FBXO2: variants seen among roughly 807,000 people sequenced by gnomAD.
The protein encoded by FBXO2 is F-box only protein 2.
FBXO2 carries 32 observed loss-of-function variants against 38.6 expected under a neutral mutation model. The observed-to-expected ratio is 0.83, with a 90% CI of 0.62 to 1.11. The LOEUF is 1.11. Among genes scored for constraint, FBXO2 ranks in the 50% most tolerant of loss-of-function variants. The pLI is 0.00. For synonymous variants in FBXO2, 189 were observed against 182.9 expected (o/e 1.03, Z -0.27); for missense variants, 450 against 418.3 (o/e 1.08, Z -0.66).
chr1:11,653,922 G>A (rs1639596827), intron 1 of FBXO2: 1 of 185,942 alleles, frequency 5.4e-6, no homozygotes, highest in East Asian at 1.4e-4. Context: ...GGGACCCCAA[G>A]GAACCCACGG....
At position 11,650,087 on chromosome 1, in the gene FBXO2, G is replaced by C. The variant is rs1328828001; in HGVS notation, c.392-13C>G. 1.2e-6 allele frequency: 2 copies of C among 1,613,532 alleles called. No homozygotes were observed. The highest frequency in any genetic ancestry group is 1.7e-5 in the Admixed American group (1 of 59,970). On this transcript the variant is annotated splice_polypyrimidine_tract_variant and intron_variant, in intron 2 of 5. Coordinates refer to ENST00000354287, the MANE Select transcript of FBXO2 (RefSeq NM_012168.6). ...CCTTCCAAGTCCTCTGTAGGGACAC[G>C]ACAGCCCCACCCTGGTCACTCAGTC...
intron 1 of FBXO2, among the ~76,000 whole-genome samples, chr1:11,651,056 A>G (rs537211409): frequency 3.3e-5 from 5 of 152,292 alleles, no homozygotes; most frequent in African/African-American, 9.6e-5. Flanking sequence ...TCAGAGGCCT[A>G]TTTCCTCTGC....
Position 11,648,915 on chromosome 1 carries a change from TC to T in FBXO2, c.757-88del. On this transcript the variant is annotated intron_variant, in intron 5 of 5. Coordinates refer to ENST00000354287, the MANE Select transcript of FBXO2 (RefSeq NM_012168.6). This position sits in a 1 kb window ranked among gnomAD's most constrained non-coding sequence, Gnocchi z 4.2. ...CCCGGTACACCGACCGACCTGCAGCTCCCCCACTCGGTTTCTCCGCGGTATT... is the reference window on the plus strand; with the variant it reads ...CCCGGTACACCGACCGACCTGCAGCTCCCCACTCGGTTTCTCCGCGGTATT... 6.4e-7 allele frequency: 1 copy of T among 1,564,032 alleles called. No individual in the cohort carries two copies. Among genetic ancestry groups the T allele is most frequent in the Non-Finnish European group, 8.7e-7 (1 of 1,145,814 alleles).
intron 1 of FBXO2, among the ~76,000 whole-genome samples, chr1:11,651,584 G>A (rs571637914): frequency 3.3e-5 from 5 of 152,292 alleles, no homozygotes; most frequent in South Asian, 2.1e-4. Context: ...AGGATCACAC[G>A]GCTAATCAGT....
chr1:11,648,839 A>C lies in FBXO2; in HGVS notation c.757-11T>G, dbSNP rs749167346. The C allele has an allele frequency of 6.2e-7, 1 of 1,613,288 alleles. No individual in the cohort carries two copies. The highest frequency in any genetic ancestry group is 1.7e-5 in the Admixed American group (1 of 60,028). ...GAAGGTGTGGGAGATCTGGGGGTGG[A>C]GGTAACAAGAGTCAGCCTCGGAGGT... is the stretch of plus-strand genomic sequence containing the variant. On this transcript the variant is annotated splice_polypyrimidine_tract_variant and intron_variant, in intron 5 of 5. Transcript: ENST00000354287. This position sits in a 1 kb window ranked among gnomAD's most constrained non-coding sequence, Gnocchi z 4.2.
In FBXO2 at chr1:11,654,388, G is replaced by A; in HGVS notation, c.-48C>T. On this transcript the variant is annotated 5_prime_UTR_variant, in exon 1 of 6. Coordinates refer to ENST00000354287, the MANE Select transcript of FBXO2 (RefSeq NM_012168.6). ...AGGAGGAGCCGGAGCGCTGCGGGCT[G>A]CGCGAGTCCCGGGGCGGCGAGTCCC... 7.4e-7 allele frequency: 1 copy of A among 1,354,276 alleles called. No individual in the cohort carries two copies. The highest frequency in any genetic ancestry group is 9.5e-7 in the Non-Finnish European group (1 of 1,057,054). 83.9% of individuals were successfully genotyped at this position (1,354,276 alleles called of 1,614,324 possible).
At chr1:11,649,577 C>T (rs1639477940) in intron 4 of FBXO2, 2 of 600,778 alleles carry the variant, frequency 3.3e-6, no homozygotes, top group Admixed American at 3.0e-5. Context: ...TATTTGCCAA[C>T]ATTTAAAACT....
rs753544299 is a variant in FBXO2 at position 11,649,136 on chromosome 1, C to T, written c.707G>A (p.Ser236Asn). 2 of 1,595,314 alleles carry T rather than the reference C, an allele frequency of 1.3e-6. No homozygotes were observed. The highest frequency in any genetic ancestry group is 1.7e-6 in the Non-Finnish European group (2 of 1,171,820). Residue 236 changes from serine (S) to asparagine (N), a missense_variant, in exon 5 of 6, where the codon AGC (serine) becomes AAC (asparagine). Ser to Asn is a conservative substitution (Grantham distance 46, BLOSUM62 1). Coordinates refer to ENST00000354287, the MANE Select transcript of FBXO2 (RefSeq NM_012168.6). ...EHENVLAEFS[S>N]GQVAVPQDSD... ...GTCTTGGGGCACTGCCACCTGCCCGCTGCTGAACTCAGCCAGCACGTTCTC... is the reference window on the plus strand; with the variant it reads ...GTCTTGGGGCACTGCCACCTGCCCGTTGCTGAACTCAGCCAGCACGTTCTC...
Position 11,649,104 on chromosome 1 carries a change from C to T in FBXO2, c.739G>A (p.Gly247Ser), listed in dbSNP as rs1230839849. 5.0e-6 allele frequency: 8 copies of T among 1,598,226 alleles called. No homozygotes were observed. The African/African-American group carries it at 5.4e-5, about 11-fold the overall frequency. ...AGGCTCACCTCCATCCAGCCCCCGC[C>T]GTCACTGTCTTGGGGCACTGCCACC... ...GQVAVPQDSD[G>S]GGWMEISHTF... Residue 247 changes from glycine (G) to serine (S), a missense_variant, in exon 5 of 6, where the codon GGC (glycine) becomes AGC (serine). Physicochemically the swap from Gly to Ser is moderately conservative, Grantham distance 56 (BLOSUM62 0). Transcript: ENST00000354287.
chr1:11,649,254 GGCGGGAGGTGGGGT>G, intron 4 of FBXO2, 29 bp from the exon 5 acceptor site: 1 of 1,446,198 alleles, frequency 6.9e-7, no homozygotes, highest in Non-Finnish European at 9.4e-7. Flanking sequence ...CGAGGTGGGG[GGCGGGAGGTGGGGT>G]GGGGGCATGG....
rs191681721 is a variant in FBXO2 at position 11,651,753 on chromosome 1, A to T, written c.23-919T>A. Among the ~76,000 whole-genome samples, 569 of 151,764 alleles carry T rather than the reference A, an allele frequency of 3.7e-3. 5 individuals carry two copies. Among genetic ancestry groups the T allele is most frequent in the Non-Finnish European group, 5.8e-3 (397 of 67,950 alleles). Reference sequence around the variant, plus strand: ...GTCTCGCTTGCTCTGTCACTGCTCAATCTCAGCTCACTGCAACCTCTGCCT... The same window carrying T: ...GTCTCGCTTGCTCTGTCACTGCTCATTCTCAGCTCACTGCAACCTCTGCCT... On this transcript the variant is annotated intron_variant, in intron 1 of 5. Coordinates refer to ENST00000354287, the MANE Select transcript of FBXO2 (RefSeq NM_012168.6).
intron 2 of FBXO2, 112 bp from the exon 3 acceptor site, chr1:11,650,186 G>T (rs1639490321): frequency 2.7e-6 from 4 of 1,483,528 alleles, no homozygotes; most frequent in Non-Finnish European, 3.7e-6. Context: ...TTGGTGGGCA[G>T]ATGATGAATG....
intron 4 of FBXO2, chr1:11,649,534 CA>C: frequency 1.7e-6 from 1 of 591,858 alleles, no homozygotes; most frequent in Non-Finnish European, 3.0e-6. Flanking sequence ...GAAATATATA[CA>C]TTACATATAT....
chr1:11,650,129 C>A (rs1285125594), intron 2 of FBXO2, 55 bp from the exon 3 acceptor site: 1 of 1,603,544 alleles, frequency 6.2e-7, no homozygotes, highest in African/African-American at 1.3e-5. Flanking sequence ...AAGGCTGGCT[C>A]TTGCCACTAT....
Position 11,648,991 on chromosome 1 carries a change from C to G in FBXO2, c.756+96G>C. On this transcript the variant is annotated intron_variant, in intron 5 of 5. Transcript: ENST00000354287. The surrounding 1 kb of genome is among the most constrained non-coding windows in gnomAD (Gnocchi z 4.2). ...ACTATCTCAGCCCAGCCCAGCCCAG[C>G]CCACCCCAGCCCAGGAGCGCTGTGG... 3 of 1,434,754 alleles carry G rather than the reference C, an allele frequency of 2.1e-6. No individual in the cohort carries two copies. Among genetic ancestry groups the G allele is most frequent in the Non-Finnish European group, 2.8e-6 (3 of 1,058,000 alleles). The allele number at this position is 1,434,754 out of a possible 1,614,324, so 88.9% of individuals were successfully genotyped here.
intron 1 of FBXO2, chr1:11,653,474 C>G (rs1156993269): frequency 2.0e-5 from 3 of 152,344 alleles, no homozygotes; most frequent in Admixed American, 1.3e-4. Flanking sequence ...GAGGGTGTGG[C>G]CAGAAGGCCG....
rs540696989 is a variant in FBXO2 at position 11,649,933 on chromosome 1, C to G, written c.521+12G>C. The stretch of plus-strand genomic sequence containing the variant: ...TCCCCCCTTCCCACCTCCTCCACCC[C>G]CTTCTCCTTACTCAAAGGAGGAGGC... On this transcript the variant is annotated intron_variant, in intron 3 of 5. Transcript: ENST00000354287. 8.7e-6 allele frequency: 14 copies of G among 1,613,946 alleles called. No homozygotes were observed. The highest frequency in any genetic ancestry group is 2.2e-5 in the South Asian group (2 of 91,084).
Position 11,649,244 on chromosome 1 carries a change from CGAGGTGGGGGGCGG to C in FBXO2, c.618-33_618-20del. On this transcript the variant is annotated intron_variant, in intron 4 of 5. Coordinates refer to ENST00000354287, the MANE Select transcript of FBXO2 (RefSeq NM_012168.6). ...CGAGTACCTGCTCAGAGGGAGGGAGCGAGGTGGGGGGCGGGAGGTGGGGTGGGGGCATGGCCTCA... is the reference window on the plus strand; with the variant it reads ...CGAGTACCTGCTCAGAGGGAGGGAGCGAGGTGGGGTGGGGGCATGGCCTCA... The C allele has an allele frequency of 3.3e-5, 10 of 307,630 alleles. No homozygotes were observed. The highest frequency in any genetic ancestry group is 4.3e-5 in the Non-Finnish European group (9 of 209,208). The allele number at this position is 307,630 out of a possible 1,614,324, so 19.1% of individuals were successfully genotyped here.
Position 11,648,853 on chromosome 1 carries a change from A to T in FBXO2, c.757-25T>A. ...TCTGGGGGTGGAGGTAACAAGAGTC[A>T]GCCTCGGAGGTCCTGAGGCCTCTCC... On this transcript the variant is annotated intron_variant, in intron 5 of 5. Coordinates refer to ENST00000354287, the MANE Select transcript of FBXO2 (RefSeq NM_012168.6). This position sits in a 1 kb window ranked among gnomAD's most constrained non-coding sequence, Gnocchi z 4.2. 6.2e-7 allele frequency: 1 copy of T among 1,612,746 alleles called. No individual in the cohort carries two copies. The highest frequency in any genetic ancestry group is 8.5e-7 in the Non-Finnish European group (1 of 1,179,574).
Sources: gnomAD v4.1 joint callset for allele counts (sites outside exome capture counted in the v4.1 genomes callset) on GRCh38, gnomAD v4.1.1 for gene constraint, Gnocchi (gnomAD v3.1) non-coding constraint, MANE v1.5 for transcripts, NCBI Gene and HGNC (gene_info 2026-07-23, HGNC 2026-07-21) for gene names.